DTNB: variants seen among roughly 807,000 people sequenced by gnomAD.
The protein encoded by DTNB is dystrobrevin beta.
DTNB carries 63 observed loss-of-function variants against 90.7 expected under a neutral mutation model. The ratio of observed to expected loss-of-function variants is 0.69; its 90% confidence interval spans 0.57 to 0.86. DTNB has a LOEUF of 0.86. Among genes scored for constraint, DTNB ranks in the 40% least tolerant of loss-of-function variants. DTNB has a pLI of 0.00. For missense variants in DTNB, 744 were observed against 807.1 expected (o/e 0.92, Z 0.95); for synonymous variants, 277 against 286.7 (o/e 0.97, Z 0.34).
intron 4 of DTNB, among the ~76,000 whole-genome samples, chr2:25,611,032 T>C (rs1246305595): frequency 6.6e-6 from 1 of 152,210 alleles, no homozygotes; most frequent in Non-Finnish European, 1.5e-5. Flanking sequence ...TCCTGACTTC[T>C]AGTATCATAG....
intron 1 of DTNB, among the ~76,000 whole-genome samples, chr2:25,659,758 A>T (rs946002142): frequency 8.6e-5 from 13 of 151,440 alleles, no homozygotes; most frequent in African/African-American, 2.4e-4. Context: ...TTTGTAGTTT[A>T]AAAAAAAACC....
At chr2:25,538,936 T>G (rs2080488602) in intron 8 of DTNB, among the ~76,000 whole-genome samples, 1 of 152,224 alleles carries the variant, frequency 6.6e-6, no homozygotes, top group African/African-American at 2.4e-5. Flanking sequence ...ATCATTTCTT[T>G]GACTTTATTA....
At chr2:25,413,113 TGTATCA>T (rs1293909561) in intron 16 of DTNB, among the ~76,000 whole-genome samples, 2 of 152,210 alleles carry the variant, frequency 1.3e-5, no homozygotes, top group Non-Finnish European at 2.9e-5. Flanking sequence ...TTTTATGCCA[TGTATCA>T]GTATATTTTC....
intron 4 of DTNB, among the ~76,000 whole-genome samples, chr2:25,617,810 G>A (rs920710741): frequency 6.6e-6 from 1 of 152,110 alleles, no homozygotes; most frequent in Non-Finnish European, 1.5e-5. Context: ...CCCATGAGGT[G>A]GAGGTTGCAG....
intron 10 of DTNB, among the ~76,000 whole-genome samples, chr2:25,463,603 G>C (rs1369224234): frequency 6.6e-6 from 1 of 152,248 alleles, no homozygotes; most frequent in East Asian, 1.9e-4. Context: ...TACAGTGTGT[G>C]AGTTATATCT....
chr2:25,548,754 G>A (rs1485901020), intron 8 of DTNB, among the ~76,000 whole-genome samples: 2 of 152,144 alleles, frequency 1.3e-5, no homozygotes, highest in Non-Finnish European at 2.9e-5. Context: ...CTCTTGGAGT[G>A]CATCCAGCAG....
At chr2:25,408,573 T>C (rs1350239568) in intron 16 of DTNB, among the ~76,000 whole-genome samples, 1 of 149,064 alleles carries the variant, frequency 6.7e-6, no homozygotes, top group Non-Finnish European at 1.5e-5. Context: ...AGCACCACTT[T>C]AGCTGCAGTT....
At chr2:25,538,273 C>T (rs774868245) in intron 8 of DTNB, among the ~76,000 whole-genome samples, 5 of 152,056 alleles carry the variant, frequency 3.3e-5, no homozygotes, top group Admixed American at 6.6e-5. Context: ...GGTGTGATGA[C>T]ACATGCCTGT....
chr2:25,541,169 T>C (rs1480785492), intron 8 of DTNB, among the ~76,000 whole-genome samples: 1 of 152,104 alleles, frequency 6.6e-6, no homozygotes, highest in Non-Finnish European at 1.5e-5. Flanking sequence ...GCTTTTATTG[T>C]CATAAAAATA....
intron 9 of DTNB, among the ~76,000 whole-genome samples, chr2:25,529,132 A>G (rs977472657): frequency 5.3e-5 from 8 of 152,354 alleles, no homozygotes; most frequent in African/African-American, 1.7e-4. Flanking sequence ...TAATTAAGAC[A>G]GTGAGATATT....
chr2:25,614,188 C>T (rs1162395105), intron 4 of DTNB, among the ~76,000 whole-genome samples: 1 of 152,130 alleles, frequency 6.6e-6, no homozygotes. Context: ...TTCCATGTGA[C>T]AATGGGCATC....
At chr2:25,588,852 A>G (rs2062960787) in intron 6 of DTNB, among the ~76,000 whole-genome samples, 1 of 152,240 alleles carries the variant, frequency 6.6e-6, no homozygotes, top group African/African-American at 2.4e-5. Flanking sequence ...AGAAATATTA[A>G]GATATGAAAA....
chr2:25,379,285 C>T lies in DTNB; in HGVS notation c.*29+5G>A. On this transcript the variant is annotated splice_donor_5th_base_variant and intron_variant, in intron 20 of 20. Transcript: ENST00000406818. ...GTGGGGAGGCAGAGGACTCTTTGTACTCACCTGAGCTTCCTCTGTGTCCGG... is the reference window on the plus strand; with the variant it reads ...GTGGGGAGGCAGAGGACTCTTTGTATTCACCTGAGCTTCCTCTGTGTCCGG... 1 of 1,327,352 alleles carries T rather than the reference C, an allele frequency of 7.5e-7. No homozygotes were observed. Among genetic ancestry groups the T allele is most frequent in the Non-Finnish European group, 9.7e-7 (1 of 1,029,526 alleles). The allele number at this position is 1,327,352 out of a possible 1,614,324, so 82.2% of individuals were successfully genotyped here. A position where few individuals can be genotyped will look rare whatever the true frequency, so the allele number is the denominator to read the frequency against.
intron 16 of DTNB, among the ~76,000 whole-genome samples, chr2:25,405,582 C>G (rs1449123316): frequency 6.6e-6 from 1 of 151,906 alleles, no homozygotes; most frequent in African/African-American, 2.4e-5. Context: ...TTTTCCACCA[C>G]CAGTTTTGCT....
intron 16 of DTNB, among the ~76,000 whole-genome samples, chr2:25,398,163 CAT>C (rs1335426670): frequency 3.9e-5 from 6 of 152,220 alleles, no homozygotes; most frequent in Non-Finnish European, 5.9e-5. Flanking sequence ...TGGCCAGCCA[CAT>C]GTGTCTAAAG....
At chr2:25,568,485 A>AC (rs899307418) in intron 8 of DTNB, among the ~76,000 whole-genome samples, 35 of 152,316 alleles carry the variant, frequency 2.3e-4, no homozygotes, top group African/African-American at 4.6e-4. Flanking sequence ...TTTAAAAAAA[A>AC]ACACACACAA....
At chr2:25,536,514 C>A (rs1280145558) in intron 8 of DTNB, among the ~76,000 whole-genome samples, 1 of 152,192 alleles carries the variant, frequency 6.6e-6, no homozygotes, top group Non-Finnish European at 1.5e-5. Flanking sequence ...CCAGCCCGGT[C>A]AACACGGCGA....
intron 2 of DTNB, 189 bp from the exon 3 acceptor site, chr2:25,639,283 G>A (rs2077721792): frequency 1.0e-5 from 5 of 483,728 alleles, no homozygotes; most frequent in Admixed American, 3.5e-5. Context: ...AGTATGTGCA[G>A]GAACTCTGCT....
chr2:25,377,972 C>T (rs1254926010), intron 20 of DTNB, among the ~76,000 whole-genome samples: 1 of 152,174 alleles, frequency 6.6e-6, no homozygotes, highest in East Asian at 1.9e-4. Flanking sequence ...TGGTGTTTCT[C>T]ATCACCCCTG....
Sources: allele counts gnomAD v4.1 joint callset (sites outside exome capture counted in the v4.1 genomes callset), GRCh38; gene constraint gnomAD v4.1.1; transcripts MANE v1.5; gene names NCBI Gene and HGNC (gene_info 2026-07-23, HGNC 2026-07-21).